Variants in RPH3AL observed in about 807,000 individuals in gnomAD.
The protein encoded by RPH3AL is rabphilin 3A like (without C2 domains), also known as rab effector Noc2.
A neutral mutation model predicts 43.1 loss-of-function variants in RPH3AL; 38 were observed. The observed-to-expected ratio is 0.88, with a 90% confidence interval of 0.68 to 1.15. The LOEUF (loss-of-function observed/expected upper bound fraction) is 1.15, where lower values mean the gene tolerates loss of function less well. Ranked by LOEUF, RPH3AL falls within the 50% of genes most tolerant of loss-of-function variation. The pLI, the probability that RPH3AL is intolerant of heterozygous loss-of-function variation, is 0.00. For synonymous variants in RPH3AL, 189 were observed against 176.3 expected (o/e 1.07, Z -0.57); for missense variants, 462 against 423.2 (o/e 1.09, Z -0.81).
chr17:261,578 C>A (rs1354882538), intron 6 of RPH3AL: 3 of 152,318 alleles, frequency 2.0e-5, no homozygotes, highest in South Asian at 2.1e-4. Flanking sequence ...AAAAGATAGG[C>A]CAGCTATAAG....
At chr17:313,092 G>T (rs1002036667) in intron 5 of RPH3AL, among the ~76,000 whole-genome samples, 1 of 152,116 alleles carries the variant, frequency 6.6e-6, no homozygotes, top group Non-Finnish European at 1.5e-5. Flanking sequence ...CCCTGAAGTC[G>T]AGAGCTCTTT....
chr17:284,701 A>G (rs542491606), intron 5 of RPH3AL, among the ~76,000 whole-genome samples: 11 of 152,172 alleles, frequency 7.2e-5, no homozygotes. Flanking sequence ...GCCTTCCCCT[A>G]TGCACACAGC....
rs4890172 is a variant in RPH3AL at position 238,305 on chromosome 17, C to T, written c.613+8806G>A. 2.3e-4 allele frequency among the ~76,000 whole-genome samples: 34 copies of T among 150,260 alleles called. No homozygotes were observed. In the South Asian group the frequency reaches 4.9e-3, roughly 22 times the overall value. ...GAGAAAGAAAAGCAACAAAATGAAA[C>T]GAAACTCCAGAAAGAGAGAGAGAAA... On this transcript the variant is annotated intron_variant, in intron 7 of 9. Transcript: ENST00000331302.
In RPH3AL at chr17:263,813, C is replaced by T. The variant is rs76803836; in HGVS notation, c.439-16528G>A. On this transcript the variant is annotated intron_variant, in intron 6 of 9. Transcript: ENST00000331302. ...ACGTCGGTATGAGTTGGTAACACAC[C>T]GACACTCCCGTCCCTGAAGAAGGCC... 2.8e-3 allele frequency among the ~76,000 whole-genome samples: 427 copies of T among 152,252 alleles called. 4 individuals carry two copies. Among genetic ancestry groups the T allele is most frequent in the African/African-American group, 9.7e-3 (402 of 41,556 alleles).
intron 5 of RPH3AL, among the ~76,000 whole-genome samples, chr17:286,703 C>G (rs921369107): frequency 6.6e-6 from 1 of 152,182 alleles, no homozygotes; most frequent in East Asian, 1.9e-4. Context: ...CTAGGACAGT[C>G]CCGGGGCCCA....
chr17:291,204 G>A (rs2043040646), intron 5 of RPH3AL, among the ~76,000 whole-genome samples: 1 of 152,150 alleles, frequency 6.6e-6, no homozygotes, highest in African/African-American at 2.4e-5. Context: ...ACGGCCCTTT[G>A]TCCTCAAAGA....
chr17:214,079 C>G (rs140235773), intron 9 of RPH3AL, among the ~76,000 whole-genome samples, 156 bp from the exon 10 acceptor site: 187 of 152,332 alleles, frequency 1.2e-3, no homozygotes, highest in African/African-American at 4.3e-3. Context: ...TCGAGACCAG[C>G]ACCGCTCTGC....
intron 5 of RPH3AL, among the ~76,000 whole-genome samples, chr17:298,949 C>T (rs926889368): frequency 1.2e-4 from 18 of 151,970 alleles, no homozygotes; most frequent in Non-Finnish European, 2.1e-4. Context: ...GGGGATTTCA[C>T]TCACGCTGCT....
At chr17:239,904 C>A (rs1344424451) in intron 7 of RPH3AL, among the ~76,000 whole-genome samples, 1 of 152,194 alleles carries the variant, frequency 6.6e-6, no homozygotes, top group African/African-American at 2.4e-5. Context: ...GCTGGGATTA[C>A]AGGCATGAGC....
intron 2 of RPH3AL, chr17:332,760 G>A: frequency 3.3e-6 from 1 of 301,154 alleles, no homozygotes; most frequent in Non-Finnish European, 6.7e-6. Context: ...TCCTTGCTGA[G>A]GGGCTGGTGC....
At chr17:281,053 G>C (rs1303990197) in intron 6 of RPH3AL, among the ~76,000 whole-genome samples, 2 of 152,170 alleles carry the variant, frequency 1.3e-5, no homozygotes, top group Admixed American at 6.5e-5. Context: ...ACGTCCTGCT[G>C]TTTTGGCTCC....
chr17:251,966 T>C (rs2041913340), intron 6 of RPH3AL, among the ~76,000 whole-genome samples: 1 of 123,878 alleles, frequency 8.1e-6, no homozygotes, highest in East Asian at 2.3e-4. Context: ...AGTTTTCTCT[T>C]TTTTTTTTAC....
At chr17:316,728 C>G (rs2044229049) in intron 5 of RPH3AL, among the ~76,000 whole-genome samples, 1 of 151,040 alleles carries the variant, frequency 6.6e-6, no homozygotes, top group African/African-American at 2.4e-5. Flanking sequence ...GCCCCACCTC[C>G]ATTGACCTGT....
intron 8 of RPH3AL, among the ~76,000 whole-genome samples, chr17:216,525 ACTT>A (rs1215533435): frequency 6.6e-6 from 1 of 152,028 alleles, no homozygotes; most frequent in Non-Finnish European, 1.5e-5. Flanking sequence ...ACTTTGCTGA[ACTT>A]CTCTTGTCTC....
intron 7 of RPH3AL, among the ~76,000 whole-genome samples, chr17:223,268 A>G (rs1295554774): frequency 1.3e-5 from 2 of 152,122 alleles, no homozygotes; most frequent in Non-Finnish European, 2.9e-5. Flanking sequence ...TCTTTCCATC[A>G]ATTCGCATAA....
At chr17:247,003 CT>C in intron 7 of RPH3AL, 107 bp downstream of exon 7, 1 of 1,206,602 alleles carries the variant, frequency 8.3e-7, no homozygotes, top group East Asian at 2.3e-5. Flanking sequence ...CAGAATGAGC[CT>C]CGTGGATGGA....
At chr17:268,510 T>G (rs1597976295) in intron 6 of RPH3AL, among the ~76,000 whole-genome samples, 1 of 151,510 alleles carries the variant, frequency 6.6e-6, no homozygotes, top group African/African-American at 2.4e-5. Context: ...AGTTAAGTTT[T>G]GGAGAGTTAA....
intron 7 of RPH3AL, among the ~76,000 whole-genome samples, chr17:232,521 C>T (rs190115019): frequency 3.9e-5 from 6 of 152,292 alleles, no homozygotes; most frequent in East Asian, 1.9e-4. Flanking sequence ...AGACCAAGGC[C>T]GACTATCAGT....
At chr17:266,752 T>C (rs1407262148) in intron 6 of RPH3AL, among the ~76,000 whole-genome samples, 3 of 152,224 alleles carry the variant, frequency 2.0e-5, no homozygotes, top group Admixed American at 6.5e-5. Context: ...TCTTGACAGA[T>C]GATTTAAACA....
Sources: allele counts gnomAD v4.1 joint callset (sites outside exome capture counted in the v4.1 genomes callset), GRCh38; gene constraint gnomAD v4.1.1; transcripts MANE v1.5; gene names NCBI Gene and HGNC (gene_info 2026-07-23, HGNC 2026-07-21).